The following EGFLAM variants were observed in gnomAD, a reference collection of about 807,000 sequenced individuals.
EGFLAM encodes the protein EGF like, fibronectin type III and laminin G domains.
A neutral mutation model predicts 113.1 loss-of-function variants in EGFLAM; 79 were observed. That is an observed-to-expected ratio of 0.70 (90% CI 0.58 to 0.84). EGFLAM has a LOEUF of 0.84. Among genes scored for constraint, EGFLAM ranks in the 40% least tolerant of loss-of-function variants. The pLI, the probability that EGFLAM is intolerant of heterozygous loss-of-function variation, is 0.00. For missense variants in EGFLAM, 1,265 were observed against 1,291.6 expected (o/e 0.98, Z 0.32); for synonymous variants, 504 against 487.6 (o/e 1.03, Z -0.44).
At chr5:38,431,141 G>T in intron 14 of EGFLAM, 36 bp from the exon 15 acceptor site, 2 of 1,589,398 alleles carry the variant, frequency 1.3e-6, no homozygotes, top group Non-Finnish European at 1.7e-6. Flanking sequence ...TAATCAACTC[G>T]ATACATAAAA....
rs561278755 is a variant in EGFLAM at position 38,408,490 on chromosome 5, G to A, written c.1249-514G>A. The stretch of plus-strand genomic sequence containing the variant: ...GAAAGAAGTCTCATTTGAAGTCATG[G>A]CCACAGTGTTGAGTCTTCAAGAAAT... On this transcript the variant is annotated intron_variant, in intron 9 of 21. Coordinates refer to ENST00000322350, the MANE Select transcript of EGFLAM (RefSeq NM_152403.4). Among the ~76,000 whole-genome samples, 5 of 152,254 alleles carry A rather than the reference G, an allele frequency of 3.3e-5. No homozygotes were observed. In the South Asian group the frequency reaches 1.0e-3, roughly 32 times the overall value.
At chr5:38,354,876 A>G (rs1277381658) in intron 5 of EGFLAM, among the ~76,000 whole-genome samples, 1 of 152,210 alleles carries the variant, frequency 6.6e-6, no homozygotes, top group Non-Finnish European at 1.5e-5. Context: ...TAAGGTAGAA[A>G]TGGCAGTTTC....
chr5:38,432,276 T>G (rs973249621), intron 15 of EGFLAM, among the ~76,000 whole-genome samples: 1 of 152,050 alleles, frequency 6.6e-6, no homozygotes, highest in African/African-American at 2.4e-5. Context: ...AAAAGAGACT[T>G]TCGCTGGGGA....
At chr5:38,400,743 T>C (rs567550100) in intron 6 of EGFLAM, among the ~76,000 whole-genome samples, 1 of 152,250 alleles carries the variant, frequency 6.6e-6, no homozygotes, top group East Asian at 1.9e-4. Context: ...TTTGGGATGC[T>C]GCAAAGAGGA....
chr5:38,284,284 A>G (rs1345565965), intron 1 of EGFLAM, among the ~76,000 whole-genome samples: 1 of 152,214 alleles, frequency 6.6e-6, no homozygotes, highest in Non-Finnish European at 1.5e-5. Flanking sequence ...TCTGCCTTGT[A>G]TAGAATGGAT....
At chr5:38,391,044 G>T (rs1281691177) in intron 6 of EGFLAM, among the ~76,000 whole-genome samples, 1 of 151,850 alleles carries the variant, frequency 6.6e-6, no homozygotes. Context: ...TATGCTTTCT[G>T]GCTAAAAACA....
intron 7 of EGFLAM, 78 bp downstream of exon 7, chr5:38,406,319 T>C: frequency 1.6e-6 from 2 of 1,258,158 alleles, no homozygotes. Flanking sequence ...CAATGGACCA[T>C]AAACATTTTA....
At position 38,438,322 on chromosome 5, in the gene EGFLAM, C is replaced by T. The variant is rs376336299; in HGVS notation, c.2331C>T (p.Ser777=). 12 of 1,614,058 alleles carry T rather than the reference C, an allele frequency of 7.4e-6. No individual in the cohort carries two copies. Among genetic ancestry groups the T allele is most frequent in the South Asian group, 4.4e-5 (4 of 91,032 alleles). ...TCCATGTGAAGCATGACTTCACCTC[C>T]GGAGTGAATGTGGAGAATGCGGCCC... ...RTIHVKHDFT[S]GVNVENAAHP... The change falls in exon 17 of 22, where the codon TCC becomes TCT. Residue 777 remains serine (S), a synonymous_variant. Coordinates refer to ENST00000322350, the MANE Select transcript of EGFLAM (RefSeq NM_152403.4).
chr5:38,287,386 T>G (rs1181994740), intron 1 of EGFLAM, among the ~76,000 whole-genome samples: 1 of 152,204 alleles, frequency 6.6e-6, no homozygotes, highest in Non-Finnish European at 1.5e-5. Context: ...TTTCGTTTGT[T>G]TTTGAGATGA....
At chr5:38,443,018 C>T (rs61435545) in intron 17 of EGFLAM, among the ~76,000 whole-genome samples, 6,459 of 152,280 alleles carry the variant, frequency 0.042, 420 homozygotes, top group African/African-American at 0.15. Flanking sequence ...GTAATCCCAG[C>T]CCTTTGGGAG....
At chr5:38,301,718 G>T (rs1216288298) in intron 1 of EGFLAM, among the ~76,000 whole-genome samples, 1 of 152,102 alleles carries the variant, frequency 6.6e-6, no homozygotes, top group Admixed American at 6.5e-5. Context: ...AAGGGGGGTA[G>T]GGTGGGAATG....
In EGFLAM at chr5:38,438,343, G is replaced by C. The variant is rs781049462; in HGVS notation, c.2352G>C (p.Ala784=). The change falls in exon 17 of 22, where the codon GCG becomes GCC. Residue 784 remains alanine (A), a synonymous_variant. Transcript: ENST00000322350. ...DFTSGVNVEN[A]AHPCVRAPCA... is the part of the protein sequence containing the mutation. ...CCTCCGGAGTGAATGTGGAGAATGC[G>C]GCCCACCCCTGTGTGAGAGCCCCTT... The C allele has an allele frequency of 1.9e-6, 3 of 1,614,080 alleles. No individual in the cohort carries two copies. The East Asian group carries it at 6.7e-5, about 36-fold the overall frequency.
intron 6 of EGFLAM, chr5:38,402,055 T>C (rs1741131335): frequency 6.6e-6 from 1 of 152,154 alleles, no homozygotes; most frequent in South Asian, 2.1e-4. Context: ...CTCCATAGAA[T>C]GCATGCCCTC....
In EGFLAM at chr5:38,345,706, A is replaced by G. The variant is rs148622299; in HGVS notation, c.292-4795A>G. 1.0e-3 allele frequency: 152 copies of G among 152,328 alleles called. 1 individual carries two copies. The highest frequency in any genetic ancestry group is 3.4e-3 in the African/African-American group (141 of 41,574). The allele number at this position is 152,328 out of a possible 1,614,324, so 9.4% of individuals were successfully genotyped here. A position where few individuals can be genotyped will look rare whatever the true frequency, so the allele number is the denominator to read the frequency against. On this transcript the variant is annotated intron_variant, in intron 3 of 21. Transcript: ENST00000322350. ...TGTAGAAATGAAGTGCAGGAGAGAT[A>G]AACATCTTGACTTGTCTTCAGACTT...
chr5:38,416,946 T>C (rs988182280), intron 11 of EGFLAM, among the ~76,000 whole-genome samples: 5 of 152,220 alleles, frequency 3.3e-5, no homozygotes, highest in Non-Finnish European at 7.3e-5. Flanking sequence ...AGTATCAAGA[T>C]TATGTTTCAG....
At chr5:38,333,021 C>T (rs1739085731) in intron 1 of EGFLAM, among the ~76,000 whole-genome samples, 1 of 152,194 alleles carries the variant, frequency 6.6e-6, no homozygotes, top group African/African-American at 2.4e-5. Flanking sequence ...TCTTATTATT[C>T]AGCTCCCACT....
chr5:38,443,202 T>A (rs1166416072), intron 17 of EGFLAM, among the ~76,000 whole-genome samples: 1 of 152,062 alleles, frequency 6.6e-6, no homozygotes, highest in Non-Finnish European at 1.5e-5. Context: ...GGAGGCAGAA[T>A]TTGCAGTAAG....
rs1743426998 is a variant in EGFLAM, at chr5:38,465,112, G to A, written c.*1126G>A. On this transcript the variant is annotated 3_prime_UTR_variant, in exon 22 of 22. Transcript: ENST00000322350. ...CACTAATACAATCAGTGTTCCCAAG[G>A]CTGTGCAGGGGTGGGGGGACATGCT... is the stretch of plus-strand genomic sequence containing the variant. 1 of 152,358 alleles carries A rather than the reference G, an allele frequency of 6.6e-6. No individual in the cohort carries two copies. 9.4% of individuals were successfully genotyped at this position (152,358 alleles called of 1,614,324 possible).
chr5:38,400,205 T>C (rs1741070396), intron 6 of EGFLAM, among the ~76,000 whole-genome samples: 1 of 152,232 alleles, frequency 6.6e-6, no homozygotes, highest in Non-Finnish European at 1.5e-5. Context: ...TATTTCCAAC[T>C]ACATCATGTT....
Sources: allele counts gnomAD v4.1 joint callset (sites outside exome capture counted in the v4.1 genomes callset), GRCh38; gene constraint gnomAD v4.1.1; transcripts MANE v1.5; gene names NCBI Gene and HGNC (gene_info 2026-07-23, HGNC 2026-07-21).